Variants in EFHB observed in about 807,000 individuals in gnomAD.
EFHB encodes EF-hand domain family member B.
A neutral mutation model predicts 87.2 loss-of-function variants in EFHB; 91 were observed. The observed-to-expected ratio is 1.04, with a 90% CI of 0.88 to 1.24. The LOEUF (loss-of-function observed/expected upper bound fraction) is 1.24, where lower values mean the gene tolerates loss of function less well. EFHB is among the 50% of genes most tolerant of loss of function. EFHB has a pLI of 0.00. For missense variants in EFHB, 1,084 were observed against 998.8 expected, an observed-to-expected ratio of 1.09 and a Z score of -1.15; for synonymous variants, 325 against 333.6, an observed-to-expected ratio of 0.97 and a Z score of 0.28.
intron 7 of EFHB, 23 bp downstream of exon 7, chr3:19,899,409 T>G (rs750323557): frequency 4.5e-6 from 7 of 1,541,638 alleles, no homozygotes; most frequent in Non-Finnish European, 1.8e-6. Context: ...AAACTATCAA[T>G]TTGAAGTTAA....
chr3:19,936,443 A>G, upstream of EFHB: 1 of 468,680 alleles, frequency 2.1e-6, no homozygotes, highest in Non-Finnish European at 3.8e-6. Flanking sequence ...ACATGCCTAT[A>G]GTCCTAGCTA....
At chr3:19,945,949 G>T (rs1268277805) in intron 1 of EFHB, 1 of 152,076 alleles carries the variant, frequency 6.6e-6, no homozygotes, top group Non-Finnish European at 1.5e-5. Flanking sequence ...CCTTTATTCT[G>T]AAGGAAAATC....
chr3:19,937,942 C>G (rs574265802), upstream of EFHB, among the ~76,000 whole-genome samples: 1 of 152,176 alleles, frequency 6.6e-6, no homozygotes, highest in Non-Finnish European at 1.5e-5. Context: ...GCCTGACAGT[C>G]CCTTGACTCA....
At chr3:19,940,404 A>T in intron 1 of EFHB, 1 of 437,760 alleles carries the variant, frequency 2.3e-6, no homozygotes, top group Non-Finnish European at 4.6e-6. Flanking sequence ...CTTTCTGCTG[A>T]TGTTCAAATT....
intron 3 of EFHB, 43 bp from the exon 4 acceptor site, chr3:19,918,455 T>G: frequency 1.3e-6 from 2 of 1,506,682 alleles, no homozygotes; most frequent in Non-Finnish European, 1.8e-6. Context: ...ACAAAAAAAG[T>G]ATAAATCTGA....
intron 1 of EFHB, among the ~76,000 whole-genome samples, chr3:19,942,634 T>G (rs908595895): frequency 1.3e-5 from 2 of 152,178 alleles, no homozygotes; most frequent in Non-Finnish European, 2.9e-5. Context: ...GTACAATCAG[T>G]AGGAGCCCTG....
At position 19,933,952 on chromosome 3, in the gene EFHB, C is replaced by T; in HGVS notation, c.67G>A (p.Gly23Arg). 3.1e-6 allele frequency: 5 copies of T among 1,613,654 alleles called. No homozygotes were observed. Among genetic ancestry groups the T allele is most frequent in the Non-Finnish European group, 4.2e-6 (5 of 1,179,730 alleles). The change falls in exon 1 of 13, where the codon GGA becomes AGA. Residue 23 changes from glycine to arginine, a missense_variant. Transcript: ENST00000295824. Reference sequence around the variant, plus strand: ...CCCAACTCCATGGGAAATTTTGTTCCCATGATGACCCTCTTGTCTCCTAAA... The same window carrying T: ...CCCAACTCCATGGGAAATTTTGTTCTCATGATGACCCTCTTGTCTCCTAAA... ...DDLGDKRVIMGTKFPMELGIR... is the reference protein window; with the variant it reads ...DDLGDKRVIMRTKFPMELGIR...
intron 5 of EFHB, among the ~76,000 whole-genome samples, chr3:19,906,340 GAACT>G (rs1694843007): frequency 6.6e-6 from 1 of 151,796 alleles, no homozygotes; most frequent in African/African-American, 2.4e-5. Flanking sequence ...AAAAACAAAA[GAACT>G]AATAAGTGAA....
chr3:19,915,630 TTA>T (rs1695203017), intron 4 of EFHB, among the ~76,000 whole-genome samples: 1 of 151,982 alleles, frequency 6.6e-6, no homozygotes, highest in Non-Finnish European at 1.5e-5. Flanking sequence ...TAGAACTCTA[TTA>T]TCACTGGCTG....
At chr3:19,919,793 T>G (rs993725970) in intron 3 of EFHB, 40 bp downstream of exon 3, 23 of 1,580,396 alleles carry the variant, frequency 1.5e-5, no homozygotes, top group Non-Finnish European at 2.0e-5. Context: ...TTCACCTTGG[T>G]AAATTAATAA....
chr3:19,890,716 C>T (rs1694277203), intron 9 of EFHB, among the ~76,000 whole-genome samples: 1 of 152,084 alleles, frequency 6.6e-6, no homozygotes, highest in Non-Finnish European at 1.5e-5. Context: ...GTGGTTTTGC[C>T]AATTAGAGCC....
chr3:19,890,254 T>G (rs573933795), intron 9 of EFHB, among the ~76,000 whole-genome samples: 1 of 152,148 alleles, frequency 6.6e-6, no homozygotes, highest in African/African-American at 2.4e-5. Context: ...ATTCTCTCCC[T>G]CTGCACCCTT....
intron 1 of EFHB, among the ~76,000 whole-genome samples, chr3:19,921,077 T>G (rs1198600898): frequency 6.6e-6 from 1 of 151,958 alleles, no homozygotes; most frequent in Non-Finnish European, 1.5e-5. Context: ...AATTTAAAAC[T>G]GAGAGAAAGA....
At chr3:19,932,272 A>G (rs1388196254) in intron 1 of EFHB, among the ~76,000 whole-genome samples, 3 of 152,192 alleles carry the variant, frequency 2.0e-5, no homozygotes, top group Non-Finnish European at 4.4e-5. Context: ...TCCCCCTTCC[A>G]GTCCATCATA....
chr3:19,940,888 A>G (rs914508749), intron 1 of EFHB: 2 of 354,054 alleles, frequency 5.6e-6, no homozygotes, highest in African/African-American at 4.3e-5. Flanking sequence ...TGCCTGTCAG[A>G]GTAGGTAGTG....
chr3:19,941,088 G>T, intron 1 of EFHB: 1 of 375,628 alleles, frequency 2.7e-6, no homozygotes, highest in Non-Finnish European at 4.9e-6. Flanking sequence ...CTTCATTAGG[G>T]CTGATGCTCT....
At chr3:19,936,187 C>T (rs1469886052), upstream of EFHB, 50 of 1,180,250 alleles carry the variant, frequency 4.2e-5, no homozygotes, top group African/African-American at 5.0e-4. Flanking sequence ...AATTGCTTAA[C>T]GCCAAGAATT....
chr3:19,880,713 C>T (rs188563872), intron 12 of EFHB, among the ~76,000 whole-genome samples: 49 of 152,196 alleles, frequency 3.2e-4, no homozygotes, highest in South Asian at 2.1e-4. Flanking sequence ...TACAAATAAT[C>T]TCTCTACAGT....
chr3:19,896,750 G>T lies in EFHB; in HGVS notation c.1662C>A (p.His554Gln). 1.9e-6 allele frequency: 3 copies of T among 1,613,966 alleles called. No individual in the cohort carries two copies. Among genetic ancestry groups the T allele is most frequent in the Non-Finnish European group, 2.5e-6 (3 of 1,179,888 alleles). Residue 554 changes from histidine to glutamine, a missense_variant, in exon 9 of 13, where the codon CAC becomes CAA. Physicochemically the swap from His to Gln is conservative, Grantham distance 24 (BLOSUM62 0). Coordinates refer to ENST00000295824, the MANE Select transcript of EFHB (RefSeq NM_144715.4). ...ACTTTTGGTAATTAACTTTCTTCAG[G>T]TGATGCCGAACTGCTGCAATCAGGG... ...QRALIAAVRH[H>Q]LKKVNYQKFD...
Sources: gnomAD v4.1 joint callset for allele counts (sites outside exome capture counted in the v4.1 genomes callset) on GRCh38, gnomAD v4.1.1 for gene constraint, MANE v1.5 for transcripts, NCBI Gene and HGNC (gene_info 2026-07-23, HGNC 2026-07-21) for gene names.